Variants in CSMD3 observed in about 807,000 individuals in gnomAD.
CSMD3 encodes the protein CUB and sushi domain-containing protein 3.
In CSMD3, 177 loss-of-function variants were observed where a neutral mutation model predicts 435.2. That is an observed-to-expected ratio of 0.41 (90% CI 0.36 to 0.46). The LOEUF (loss-of-function observed/expected upper bound fraction) is 0.46, where lower values mean the gene tolerates loss of function less well. Among genes scored for constraint, CSMD3 ranks in the 20% least tolerant of loss-of-function variants. CSMD3 has a pLI of 0.34. For missense variants in CSMD3, 4,265 were observed against 4,504.6 expected, an observed-to-expected ratio of 0.95 and a Z score of 1.52; for synonymous variants, 1,656 against 1,520.5, an observed-to-expected ratio of 1.09 and a Z score of -2.07.
intron 4 of CSMD3, among the ~76,000 whole-genome samples, chr8:113,109,319 A>G (rs1173708967): frequency 6.6e-6 from 1 of 152,228 alleles, no homozygotes; most frequent in Non-Finnish European, 1.5e-5. Flanking sequence ...TCTAAAGTCA[A>G]GAGTCCTATT....
At chr8:113,212,279 G>A (rs2092845692) in intron 3 of CSMD3, among the ~76,000 whole-genome samples, 1 of 152,050 alleles carries the variant, frequency 6.6e-6, no homozygotes, top group Non-Finnish European at 1.5e-5. Context: ...CTGTGGTGAG[G>A]ATAACCATAT....
At chr8:112,600,422 C>A (rs1832230490) in intron 22 of CSMD3, among the ~76,000 whole-genome samples, 1 of 152,100 alleles carries the variant, frequency 6.6e-6, no homozygotes, top group Admixed American at 6.6e-5. Context: ...AGAGAGTAGA[C>A]CTTTGACTAC....
At chr8:112,747,962 CAAA>C (rs71309788) in intron 13 of CSMD3, among the ~76,000 whole-genome samples, 28 of 96,750 alleles carry the variant, frequency 2.9e-4, no homozygotes, top group Middle Eastern at 5.9e-3. Context: ...GACTCCGTCT[CAAA>C]AAAAAAAAAA....
intron 5 of CSMD3, among the ~76,000 whole-genome samples, chr8:113,081,639 T>C (rs2089568511): frequency 6.6e-6 from 1 of 152,124 alleles, no homozygotes; most frequent in South Asian, 2.1e-4. Context: ...GGTATCATTT[T>C]GAGAGCAGAG....
At chr8:113,075,693 T>C (rs1478758644) in intron 5 of CSMD3, among the ~76,000 whole-genome samples, 2 of 151,810 alleles carry the variant, frequency 1.3e-5, no homozygotes, top group East Asian at 3.8e-4. Flanking sequence ...TTATTCAGGG[T>C]AACTATTCTG....
At chr8:113,074,845 C>T (rs1427210284) in intron 5 of CSMD3, among the ~76,000 whole-genome samples, 1 of 151,598 alleles carries the variant, frequency 6.6e-6, no homozygotes, top group Non-Finnish European at 1.5e-5. Flanking sequence ...CAGTTTATGG[C>T]TTCATACATA....
chr8:112,571,040 T>G (rs541503139), intron 24 of CSMD3, among the ~76,000 whole-genome samples: 1 of 152,296 alleles, frequency 6.6e-6, no homozygotes, highest in South Asian at 2.1e-4. Context: ...GGAGTTTCAC[T>G]CTTGTTGCCT....
chr8:112,903,171 A>G (rs962195879), intron 10 of CSMD3, among the ~76,000 whole-genome samples: 33 of 150,252 alleles, frequency 2.2e-4, no homozygotes, highest in Non-Finnish European at 3.4e-4. Context: ...AAAAAAAAAA[A>G]AAAAGAAAAG....
chr8:112,421,876 C>T (rs1442358425), intron 32 of CSMD3, among the ~76,000 whole-genome samples: 1 of 151,746 alleles, frequency 6.6e-6, no homozygotes, highest in East Asian at 1.9e-4. Flanking sequence ...ATGGACTGTG[C>T]AAAGTTCTTT....
chr8:112,954,870 T>G (rs926302432), intron 7 of CSMD3, 109 bp from the exon 8 acceptor site: 2 of 712,140 alleles, frequency 2.8e-6, no homozygotes, highest in African/African-American at 1.8e-5. Flanking sequence ...AGAAACCACT[T>G]TCTTAAGCCT....
rs140311341 is a variant in CSMD3 at position 112,897,385 on chromosome 8, T to C, written c.1633+24242A>G. ...TAATTAAGAACATATAAAGACATTT[T>C]ATTCATCATTATAGGAGGAAATCAT... On this transcript the variant is annotated intron_variant, in intron 10 of 70. Coordinates refer to ENST00000297405, the MANE Select transcript of CSMD3 (RefSeq NM_198123.2). Among the ~76,000 whole-genome samples, 792 of 151,486 alleles carry C rather than the reference T, an allele frequency of 5.2e-3. 15 individuals carry two copies. The highest frequency in any genetic ancestry group is 0.018 in the African/African-American group (765 of 41,454).
chr8:113,196,417 G>C (rs1002116256), intron 3 of CSMD3, among the ~76,000 whole-genome samples: 1 of 151,080 alleles, frequency 6.6e-6, no homozygotes, highest in Non-Finnish European at 1.5e-5. Context: ...GACTTTAGAA[G>C]ATACTGTTAT....
At chr8:112,988,213 C>G (rs930414691) in intron 6 of CSMD3, among the ~76,000 whole-genome samples, 11 of 152,016 alleles carry the variant, frequency 7.2e-5, no homozygotes, top group Non-Finnish European at 1.0e-4. Flanking sequence ...TCTACCCTCA[C>G]CCCACAATGA....
chr8:113,257,451 C>T (rs1197633019), intron 3 of CSMD3, among the ~76,000 whole-genome samples: 2 of 151,988 alleles, frequency 1.3e-5, no homozygotes, highest in Non-Finnish European at 2.9e-5. Flanking sequence ...ACTGCCGGAG[C>T]TTCTGCATAC....
Position 112,954,687 on chromosome 8 carries a change from T to C in CSMD3, c.1417A>G (p.Ile473Val). ...AACAAAAAAGAAGTACACTCACAGA[T>C]AGAAAACTTGTTGCTGTTGTCTTTC... ...PGKDNSNKFSILNEGGIKTAS... is the reference protein window; with the variant it reads ...PGKDNSNKFSVLNEGGIKTAS... The change falls in exon 8 of 71, where the codon ATC (isoleucine) becomes GTC (valine). Residue 473 changes from isoleucine (I) to valine (V), a missense_variant. By Grantham distance (29) the Ile-to-Val change is conservative. This residue lies in a region of CSMD3 where 731 missense variants were observed against 755.4 expected (regional missense o/e 0.97). Transcript: ENST00000297405. 1.3e-6 allele frequency: 2 copies of C among 1,591,932 alleles called. No homozygotes were observed. The highest frequency in any genetic ancestry group is 1.7e-6 in the Non-Finnish European group (2 of 1,161,118).
chr8:113,006,715 T>C (rs2086070371), intron 6 of CSMD3, among the ~76,000 whole-genome samples: 1 of 151,912 alleles, frequency 6.6e-6, no homozygotes, highest in South Asian at 2.1e-4. Context: ...ACCGATAAAA[T>C]GAGGTCATTT....
intron 42 of CSMD3, 31 bp downstream of exon 42, chr8:112,341,446 A>C: frequency 7.3e-7 from 1 of 1,372,972 alleles, no homozygotes; most frequent in Non-Finnish European, 1.0e-6. Flanking sequence ...TTGGGGTTAT[A>C]TAAATTTTCA....
intron 24 of CSMD3, among the ~76,000 whole-genome samples, chr8:112,557,401 G>T (rs556950684): frequency 6.6e-6 from 1 of 152,028 alleles, no homozygotes; most frequent in East Asian, 1.9e-4. Context: ...CCATACCTAA[G>T]TTTCTATAAT....
At chr8:112,989,194 G>C (rs1457845738) in intron 6 of CSMD3, among the ~76,000 whole-genome samples, 2 of 151,924 alleles carry the variant, frequency 1.3e-5, no homozygotes, top group African/African-American at 2.4e-5. Context: ...AGTGATTTTT[G>C]AGCTAAAACC....
Sources: allele counts gnomAD v4.1 joint callset (sites outside exome capture counted in the v4.1 genomes callset), GRCh38; gene constraint gnomAD v4.1.1; regional missense constraint gnomAD v4.1.1; transcripts MANE v1.5; gene names NCBI Gene and HGNC (gene_info 2026-07-23, HGNC 2026-07-21).